Variants in IL23R observed in about 807,000 individuals in gnomAD.
IL23R encodes interleukin-23 receptor.
IL23R carries 34 observed loss-of-function variants against 56.9 expected under a neutral mutation model. That is an observed-to-expected ratio of 0.60 (90% CI 0.45 to 0.80). IL23R has a LOEUF of 0.80. Ranked by LOEUF, IL23R falls within the 30% of genes least tolerant of loss-of-function variation. IL23R has a pLI of 0.00. For missense variants in IL23R, 635 were observed against 730.0 expected (o/e 0.87, Z 1.50); for synonymous variants, 230 against 249.2 (o/e 0.92, Z 0.73).
upstream of IL23R, among the ~76,000 whole-genome samples, chr1:67,164,161 G>GCAAAAA (rs1646848647): frequency 6.6e-6 from 1 of 152,062 alleles, no homozygotes; most frequent in Non-Finnish European, 1.5e-5. Context: ...TGACTCAATA[G>GCAAAAA]CAAAAACAAA....
upstream of IL23R, among the ~76,000 whole-genome samples, chr1:67,164,398 C>A (rs1646851204): frequency 6.6e-6 from 1 of 152,106 alleles, no homozygotes; most frequent in South Asian, 2.1e-4. Flanking sequence ...TTTGGGAGGC[C>A]AAGGCAGGAG....
chr1:67,182,693 TG>T, intron 3 of IL23R, 142 bp from the exon 4 acceptor site: 2 of 849,608 alleles, frequency 2.4e-6, no homozygotes, highest in African/African-American at 3.3e-5. Context: ...GTACCTCAGT[TG>T]GAAATGAAGA....
At chr1:67,262,082 A>C (rs1316405636), downstream of IL23R, among the ~76,000 whole-genome samples, 2 of 152,186 alleles carry the variant, frequency 1.3e-5, no homozygotes, top group Non-Finnish European at 2.9e-5. Context: ...GCTTTATCAC[A>C]ATGCAAACTT....
In IL23R at chr1:67,228,059, TTCTCTG is replaced by T. The variant is rs1200794532; in HGVS notation, c.955+8335_955+8340del. On this transcript the variant is annotated intron_variant, in intron 7 of 10. Transcript: ENST00000347310. ...TCTTTCTTTCTCTTTCTTTCTTTCT[TTCTCTG>T]TCTCTCTCTTTCTTTCTTTTCTTTC... is the stretch of plus-strand genomic sequence containing the variant. 5.0e-5 allele frequency among the ~76,000 whole-genome samples: 4 copies of T among 80,708 alleles called. 1 individual carries two copies. Among genetic ancestry groups the T allele is most frequent in the East Asian group, 7.2e-4 (2 of 2,760 alleles). The allele number at this position is 80,708 out of a possible 152,430, so 52.9% of individuals were successfully genotyped here.
intron 1 of IL23R, among the ~76,000 whole-genome samples, chr1:67,142,462 G>C (rs1160199349): frequency 6.6e-6 from 1 of 152,080 alleles, no homozygotes; most frequent in Non-Finnish European, 1.5e-5. Context: ...CTAAAGGAAT[G>C]GCAGAAACAC....
Position 67,183,089 on chromosome 1 carries a change from A to G in IL23R, c.491+130A>G, listed in dbSNP as rs1647176455. On this transcript the variant is annotated intron_variant, in intron 4 of 10. Coordinates refer to ENST00000347310, the MANE Select transcript of IL23R (RefSeq NM_144701.3). ...TACCCTGATTTATCCCTTATTTCCT[A>G]CTTATGATCAGTGAAACTACCAAAG... The G allele has an allele frequency of 4.7e-6, 5 of 1,070,212 alleles. No individual in the cohort carries two copies. In the Admixed American group the frequency reaches 8.2e-5, roughly 18 times the overall value. 66.3% of individuals were successfully genotyped at this position (1,070,212 alleles called of 1,614,324 possible).
intron 3 of IL23R, among the ~76,000 whole-genome samples, chr1:67,181,343 T>G (rs1647138490): frequency 6.6e-6 from 1 of 152,214 alleles, no homozygotes; most frequent in Non-Finnish European, 1.5e-5. Flanking sequence ...TTTTTATTCT[T>G]TTTCCTCTAA....
chr1:67,240,811 G>T (rs1651796424), intron 9 of IL23R, among the ~76,000 whole-genome samples: 2 of 152,164 alleles, frequency 1.3e-5, no homozygotes, highest in Middle Eastern at 3.2e-3. Flanking sequence ...AGACTCCAGG[G>T]TTGCCTTGTG....
intron 2 of IL23R, among the ~76,000 whole-genome samples, chr1:67,168,910 A>G (rs1570774196): frequency 1.3e-5 from 2 of 152,148 alleles, no homozygotes; most frequent in South Asian, 4.1e-4. Flanking sequence ...CTGTAATCCC[A>G]GCACTTTGGG....
intron 7 of IL23R, 82 bp downstream of exon 7, chr1:67,219,812 T>A: frequency 7.3e-7 from 1 of 1,364,736 alleles, no homozygotes; most frequent in South Asian, 1.2e-5. Context: ...ACACCTATAA[T>A]TCCAGCACTT....
chr1:67,264,890 C>T (rs1653295129), downstream of IL23R, among the ~76,000 whole-genome samples: 1 of 152,122 alleles, frequency 6.6e-6, no homozygotes, highest in African/African-American at 2.4e-5. Flanking sequence ...CTTAAATGGT[C>T]CATTTTTGTC....
Position 67,219,560 on chromosome 1 carries a change from C to T in IL23R, c.799-14C>T. ...AGCACACCACATTTTATTATTGTTA[C>T]CCATCCATTTTAGGTTAAAGAATTT... On this transcript the variant is annotated splice_polypyrimidine_tract_variant and intron_variant, in intron 6 of 10. Transcript: ENST00000347310. 6.2e-7 allele frequency: 1 copy of T among 1,611,220 alleles called. No individual in the cohort carries two copies. Among genetic ancestry groups the T allele is most frequent in the Non-Finnish European group, 8.5e-7 (1 of 1,178,002 alleles).
At chr1:67,231,075 C>CCT (rs1213104778) in intron 7 of IL23R, among the ~76,000 whole-genome samples, 1 of 152,148 alleles carries the variant, frequency 6.6e-6, no homozygotes, top group Non-Finnish European at 1.5e-5. Flanking sequence ...TAATATGACT[C>CCT]CTCTTTCTTG....
chr1:67,251,740 C>G (rs1468139403), intron 9 of IL23R, among the ~76,000 whole-genome samples: 1 of 152,074 alleles, frequency 6.6e-6, no homozygotes, highest in Non-Finnish European at 1.5e-5. Context: ...ATTCCTTAAC[C>G]CAGGAATTGA....
At chr1:67,140,553 G>A (rs1331588526) in intron 1 of IL23R, among the ~76,000 whole-genome samples, 1 of 152,106 alleles carries the variant, frequency 6.6e-6, no homozygotes, top group African/African-American at 2.4e-5. Flanking sequence ...AAGGAACAGA[G>A]AAAGATGCAC....
Position 67,169,347 on chromosome 1 carries a change from A to G in IL23R, c.76A>G (p.Thr26Ala), listed in dbSNP as rs1290144534. ...ILFSWCHGGI[T>A]NINCSGHIWV... ...ATTTTTCCATTTATTTCTAGGAATT[A>G]CAAATATAAACTGCTCTGGCCACAT... The change falls in exon 3 of 11, where the codon ACA becomes GCA. Residue 26 changes from threonine (T) to alanine (A), a missense_variant. Thr to Ala is a moderately conservative substitution (Grantham distance 58). Coordinates refer to ENST00000347310, the MANE Select transcript of IL23R (RefSeq NM_144701.3). 1 of 1,605,492 alleles carries G rather than the reference A, an allele frequency of 6.2e-7. No individual in the cohort carries two copies. Among genetic ancestry groups the G allele is most frequent in the Non-Finnish European group, 8.5e-7 (1 of 1,174,810 alleles).
At chr1:67,183,389 G>A (rs1292614184) in intron 4 of IL23R, among the ~76,000 whole-genome samples, 1 of 152,138 alleles carries the variant, frequency 6.6e-6, no homozygotes, top group East Asian at 1.9e-4. Flanking sequence ...ACAAAAATTA[G>A]CCAGGCATTG....
intron 9 of IL23R, among the ~76,000 whole-genome samples, chr1:67,246,306 T>C (rs1246042781): frequency 6.6e-6 from 1 of 152,210 alleles, no homozygotes; most frequent in Non-Finnish European, 1.5e-5. Flanking sequence ...CATGTCTCTG[T>C]CTCCTTCAGT....
upstream of IL23R, among the ~76,000 whole-genome samples, chr1:67,162,161 G>T (rs1216975259): frequency 1.3e-5 from 2 of 151,700 alleles, no homozygotes; most frequent in African/African-American, 2.4e-5. Flanking sequence ...AAAAAGTAAT[G>T]GTTCATCAAA....
Sources: gnomAD v4.1 joint callset for allele counts (sites outside exome capture counted in the v4.1 genomes callset) on GRCh38, gnomAD v4.1.1 for gene constraint, MANE v1.5 for transcripts, NCBI Gene and HGNC (gene_info 2026-07-23, HGNC 2026-07-21) for gene names.